GRIA3: variants seen among roughly 807,000 people sequenced by gnomAD.
The protein encoded by GRIA3 is glutamate ionotropic receptor AMPA type subunit 3, also known as glutamate receptor 3.
GRIA3 carries 3 observed loss-of-function variants against 63.0 expected under a neutral mutation model. That is an observed-to-expected ratio of 0.05 (90% CI 0.02 to 0.12). GRIA3 has a LOEUF of 0.12. Ranked by LOEUF, GRIA3 falls within the 10% of genes least tolerant of loss-of-function variation. The pLI is 1.00. For synonymous variants in GRIA3, 274 were observed against 257.9 expected, an observed-to-expected ratio of 1.06 and a Z score of -0.60; for missense variants, 347 against 700.9, an observed-to-expected ratio of 0.50 and a Z score of 5.70.
chrX:123,273,847 C>T (rs780791071), intron 3 of GRIA3, among the ~76,000 whole-genome samples: 174 of 112,285 alleles, frequency 1.5e-3, no homozygotes, highest in Non-Finnish European at 2.7e-3. Context: ...AGTGAACTCA[C>T]CCATAGAGCT....
chrX:123,276,377 T>A (rs1019735815), intron 3 of GRIA3, among the ~76,000 whole-genome samples: 1 of 111,833 alleles, frequency 8.9e-6, no homozygotes, highest in African/African-American at 3.3e-5. Context: ...ATTACATTTT[T>A]TAATTGACAG....
chrX:123,320,751 G>C (rs2044862666), intron 3 of GRIA3, among the ~76,000 whole-genome samples: 2 of 112,119 alleles, frequency 1.8e-5, no homozygotes, highest in African/African-American at 6.5e-5. Flanking sequence ...CAATACTAGG[G>C]CAAGGTAAGT....
intron 15 of GRIA3, among the ~76,000 whole-genome samples, chrX:123,484,280 T>C (rs1005440921): frequency 2.7e-5 from 3 of 112,308 alleles, no homozygotes; most frequent in African/African-American, 9.7e-5. Context: ...AAGAATATAG[T>C]CTTGTTACTT....
intron 2 of GRIA3, among the ~76,000 whole-genome samples, chrX:123,222,664 T>C (rs1266710579): frequency 8.9e-6 from 1 of 112,388 alleles, no homozygotes; most frequent in Non-Finnish European, 1.9e-5. Context: ...TCTGGTTTAG[T>C]TGATACTGGG....
intron 5 of GRIA3, among the ~76,000 whole-genome samples, chrX:123,368,226 A>C (rs1415094292): frequency 9.0e-6 from 1 of 111,416 alleles, no homozygotes; most frequent in Non-Finnish European, 1.9e-5. Flanking sequence ...ATTATCAGAG[A>C]GGAGGAGTGA....
chrX:123,473,453 G>A (rs777591293), intron 13 of GRIA3, among the ~76,000 whole-genome samples: 1 of 111,878 alleles, frequency 8.9e-6, no homozygotes, highest in East Asian at 2.8e-4. Flanking sequence ...AGACCAACCT[G>A]GGCAGAGATG....
intron 10 of GRIA3, among the ~76,000 whole-genome samples, chrX:123,409,101 A>AC: frequency 9.0e-6 from 1 of 111,679 alleles, no homozygotes; most frequent in South Asian, 3.8e-4. Flanking sequence ...AGAGCAGAAA[A>AC]CCCCTAATGA....
chrX:123,275,524 A>G (rs984980123), intron 3 of GRIA3, among the ~76,000 whole-genome samples: 1 of 112,323 alleles, frequency 8.9e-6, no homozygotes, highest in Non-Finnish European at 1.9e-5. Context: ...AGAGACACCC[A>G]TTTGTCAAAC....
At chrX:123,212,445 T>G (rs1017162719) in intron 2 of GRIA3, among the ~76,000 whole-genome samples, 3 of 111,857 alleles carry the variant, frequency 2.7e-5, no homozygotes, top group Non-Finnish European at 5.6e-5. Context: ...CTTCATCTTT[T>G]GGGCTTTTAA....
chrX:123,274,570 C>T (rs1210004136), intron 3 of GRIA3, among the ~76,000 whole-genome samples: 3 of 112,561 alleles, frequency 2.7e-5, no homozygotes, highest in African/African-American at 9.7e-5. Flanking sequence ...CTATGCTATA[C>T]TGTTCTGTTC....
At chrX:123,316,229 A>G (rs2044830649) in intron 3 of GRIA3, among the ~76,000 whole-genome samples, 1 of 111,619 alleles carries the variant, frequency 9.0e-6, no homozygotes, top group South Asian at 3.8e-4. Context: ...TAACATCACT[A>G]AAAAGTTGGA....
chrX:123,402,837 G>T (rs370104900), intron 7 of GRIA3, among the ~76,000 whole-genome samples, 157 bp from the exon 8 acceptor site: 1 of 111,884 alleles, frequency 8.9e-6, no homozygotes, highest in African/African-American at 3.2e-5. Context: ...TGGAGGAAAT[G>T]AAGATCTTGT....
At chrX:123,277,347 T>C (rs1488446708) in intron 3 of GRIA3, among the ~76,000 whole-genome samples, 2 of 111,597 alleles carry the variant, frequency 1.8e-5, no homozygotes, top group Non-Finnish European at 3.8e-5. Context: ...TATCAAATAG[T>C]AGATATTTCA....
chrX:123,243,256 T>C (rs1156256876), intron 2 of GRIA3, among the ~76,000 whole-genome samples: 2 of 112,376 alleles, frequency 1.8e-5, no homozygotes, highest in Non-Finnish European at 3.8e-5. Context: ...CTTTTAAAAA[T>C]ATAAATCAGT....
chrX:123,234,588 G>A (rs1353919940), intron 2 of GRIA3, among the ~76,000 whole-genome samples: 1 of 111,698 alleles, frequency 9.0e-6, no homozygotes, highest in African/African-American at 3.3e-5. Flanking sequence ...TTGACTGGGT[G>A]GCAATCCAAC....
intron 3 of GRIA3, among the ~76,000 whole-genome samples, chrX:123,317,473 A>C (rs1027199594): frequency 8.9e-6 from 1 of 112,448 alleles, no homozygotes; most frequent in African/African-American, 3.2e-5. Flanking sequence ...GTTGCTTCTT[A>C]GATACAATGG....
chrX:123,263,322 G>C (rs926270903), intron 3 of GRIA3, among the ~76,000 whole-genome samples: 1 of 111,839 alleles, frequency 8.9e-6, no homozygotes, highest in Non-Finnish European at 1.9e-5. Context: ...GGAAAGAGGG[G>C]GCACACATAG....
chrX:123,411,777 T>C (rs1053583440), intron 10 of GRIA3, among the ~76,000 whole-genome samples: 6 of 111,149 alleles, frequency 5.4e-5, no homozygotes, highest in African/African-American at 2.0e-4. Context: ...ACTAGTAAAC[T>C]CTTACTCTGT....
In GRIA3 at chrX:123,490,667, T is replaced by C. The variant is rs2045963750; in HGVS notation, c.*1957T>C. 1 of 112,593 alleles carries C rather than the reference T, an allele frequency of 8.9e-6. No individual in the cohort carries two copies. The highest frequency in any genetic ancestry group is 1.9e-5 in the Non-Finnish European group (1 of 53,292). The allele number at this position is 112,593 out of a possible 1,213,427, so 9.3% of individuals were successfully genotyped here. On this transcript the variant is annotated 3_prime_UTR_variant, in exon 16 of 16. Coordinates refer to ENST00000620443, the MANE Select transcript of GRIA3 (RefSeq NM_007325.5). ...AAAACTTGCATGTTTAAAAAAAAGT[T>C]GATTGCTTCAAATTTCTGCTACTAA...
Sources: allele counts gnomAD v4.1 joint callset (sites outside exome capture counted in the v4.1 genomes callset), GRCh38; gene constraint gnomAD v4.1.1; transcripts MANE v1.5; gene names NCBI Gene and HGNC (gene_info 2026-07-23, HGNC 2026-07-21).